The following ADAM23 variants were observed in gnomAD, a reference collection of about 807,000 sequenced individuals.
The protein encoded by ADAM23 is ADAM metallopeptidase domain 23.
In ADAM23, 33 loss-of-function variants were observed where a neutral mutation model predicts 120.1. That is an observed-to-expected ratio of 0.27 (90% CI 0.21 to 0.37). The LOEUF is 0.37. Among genes scored for constraint, ADAM23 ranks in the 10% least tolerant of loss-of-function variants. ADAM23 has a pLI of 1.00. For synonymous variants in ADAM23, 367 were observed against 375.2 expected, an observed-to-expected ratio of 0.98 and a Z score of 0.25; for missense variants, 862 against 1,058.2, an observed-to-expected ratio of 0.81 and a Z score of 2.57.
intron 3 of ADAM23, among the ~76,000 whole-genome samples, chr2:206,486,613 A>G (rs1301373065): frequency 6.6e-6 from 1 of 152,144 alleles, no homozygotes; most frequent in Non-Finnish European, 1.5e-5. Flanking sequence ...GGTTGAAAGC[A>G]TGGGTAACTC....
At chr2:206,534,423 T>C (rs537800975) in intron 4 of ADAM23, among the ~76,000 whole-genome samples, 1 of 152,244 alleles carries the variant, frequency 6.6e-6, no homozygotes, top group Non-Finnish European at 1.5e-5. Context: ...TGTTGGTACA[T>C]TGTGAAATGG....
chr2:206,595,088 G>A (rs939257872), intron 23 of ADAM23, among the ~76,000 whole-genome samples, 183 bp downstream of exon 23: 1 of 152,172 alleles, frequency 6.6e-6, no homozygotes, highest in Admixed American at 6.5e-5. Flanking sequence ...GGCTTTTGCA[G>A]AAGAATCGCT....
Position 206,445,376 on chromosome 2 carries a change from A to G in ADAM23, c.284A>G (p.Gln95Arg). 1 of 1,614,192 alleles carries G rather than the reference A, an allele frequency of 6.2e-7. No homozygotes were observed. The highest frequency in any genetic ancestry group is 8.5e-7 in the Non-Finnish European group (1 of 1,180,034). Reference sequence around the variant, plus strand: ...GCAGATGAAGACAATACATTGCAACAGAATAGCAGCAGTAATATCAGTTAC... The same window carrying G: ...GCAGATGAAGACAATACATTGCAACGGAATAGCAGCAGTAATATCAGTTAC... ...VLADEDNTLQ[Q>R]NSSSNISYSN... The change falls in exon 2 of 26, where the codon CAG (glutamine) becomes CGG (arginine). Residue 95 changes from glutamine to arginine, a missense_variant. Physicochemically the swap from Gln to Arg is conservative, Grantham distance 43. Coordinates refer to ENST00000264377, the MANE Select transcript of ADAM23 (RefSeq NM_003812.4).
In ADAM23 at chr2:206,596,113, C is replaced by G; in HGVS notation, c.2310C>G (p.Ile770Met). The change falls in exon 24 of 26, where the codon ATC (isoleucine) becomes ATG (methionine). Residue 770 changes from isoleucine to methionine, a missense_variant. Ile to Met is a conservative substitution (Grantham distance 10). Around this residue, in one of 4 missense-constraint regions of ADAM23, gnomAD observed 617 missense variants for 813.5 expected, o/e 0.76. Coordinates refer to ENST00000264377, the MANE Select transcript of ADAM23 (RefSeq NM_003812.4). Reference sequence around the variant, plus strand: ...CCTGGGCAGGGACAGATTGCAGTATCCGGGATCCAGTTAGGAACCTTCACC... The same window carrying G: ...CCTGGGCAGGGACAGATTGCAGTATGCGGGATCCAGTTAGGAACCTTCACC... ...DFTWAGTDCS[I>M]RDPVRNLHPP... 2 of 1,614,050 alleles carry G rather than the reference C, an allele frequency of 1.2e-6. No individual in the cohort carries two copies. Among genetic ancestry groups the G allele is most frequent in the Non-Finnish European group, 1.7e-6 (2 of 1,179,984 alleles).
At chr2:206,550,284 CTTGA>C (rs1697486857) in intron 9 of ADAM23, 124 bp downstream of exon 9, 5 of 479,486 alleles carry the variant, frequency 1.0e-5, no homozygotes, top group Non-Finnish European at 1.7e-5. Context: ...TATTAAGTGA[CTTGA>C]TTTATTTGTC....
At position 206,545,910 on chromosome 2, in the gene ADAM23, A is replaced by G. The variant is rs182312838; in HGVS notation, c.721-1519A>G. On this transcript the variant is annotated intron_variant, in intron 6 of 25. Coordinates refer to ENST00000264377, the MANE Select transcript of ADAM23 (RefSeq NM_003812.4). ...AAACACAGATTCCCAAATAATAACT[A>G]TTTAAGCCTTAGAGTTTTTTAAATG... 6.0e-4 allele frequency among the ~76,000 whole-genome samples: 91 copies of G among 152,338 alleles called. 2 individuals are homozygous for G. The highest frequency in any genetic ancestry group is 4.4e-3 in the South Asian group (21 of 4,820).
chr2:206,527,483 CT>C (rs1696967076), intron 3 of ADAM23, among the ~76,000 whole-genome samples: 1 of 152,158 alleles, frequency 6.6e-6, no homozygotes, highest in South Asian at 2.1e-4. Flanking sequence ...TATTTCAAGA[CT>C]TTTATAATTA....
At chr2:206,557,565 G>A in intron 10 of ADAM23, 67 bp downstream of exon 10, 2 of 1,367,632 alleles carry the variant, frequency 1.5e-6, no homozygotes, top group Non-Finnish European at 2.1e-6. Flanking sequence ...TTGCTTACTT[G>A]TACTTTAGGT....
intron 3 of ADAM23, among the ~76,000 whole-genome samples, chr2:206,518,509 A>G (rs111935697): frequency 1.6e-4 from 24 of 152,324 alleles, no homozygotes; most frequent in African/African-American, 5.8e-4. Context: ...AAAACATGTT[A>G]GCATGACTCT....
At chr2:206,493,237 A>G (rs1361239752) in intron 3 of ADAM23, among the ~76,000 whole-genome samples, 2 of 152,180 alleles carry the variant, frequency 1.3e-5, no homozygotes, top group East Asian at 3.8e-4. Context: ...AATCCTAACT[A>G]TGGTTTATTA....
chr2:206,446,424 A>G (rs1452063018), intron 2 of ADAM23, among the ~76,000 whole-genome samples: 1 of 152,230 alleles, frequency 6.6e-6, no homozygotes, highest in African/African-American at 2.4e-5. Context: ...TGTTCAGGTG[A>G]GAACAACAGT....
chr2:206,509,789 C>G (rs1288624655), intron 3 of ADAM23, among the ~76,000 whole-genome samples: 1 of 152,148 alleles, frequency 6.6e-6, no homozygotes, highest in East Asian at 1.9e-4. Flanking sequence ...TTGTAATGAA[C>G]TTGTATTATT....
At chr2:206,520,644 C>T (rs528239810) in intron 3 of ADAM23, among the ~76,000 whole-genome samples, 2 of 152,136 alleles carry the variant, frequency 1.3e-5, no homozygotes, top group South Asian at 4.1e-4. Context: ...TTGCTGGTCT[C>T]TTGCCGTTCT....
chr2:206,511,251 T>C (rs1574505787), intron 3 of ADAM23, among the ~76,000 whole-genome samples: 1 of 152,218 alleles, frequency 6.6e-6, no homozygotes, highest in Admixed American at 6.5e-5. Flanking sequence ...AGAGGTTCTT[T>C]CTATAATTTC....
chr2:206,515,889 G>A (rs1352970770), intron 3 of ADAM23, among the ~76,000 whole-genome samples: 2 of 151,744 alleles, frequency 1.3e-5, no homozygotes, highest in East Asian at 1.9e-4. Flanking sequence ...GCTTTTTCCT[G>A]GGTCTGTTTC....
intron 4 of ADAM23, 106 bp from the exon 5 acceptor site, chr2:206,541,946 G>T: frequency 8.7e-7 from 1 of 1,150,072 alleles, no homozygotes; most frequent in South Asian, 1.3e-5. Context: ...TATTAATACA[G>T]TGCACATATA....
chr2:206,463,102 G>A (rs1442223177), intron 2 of ADAM23, among the ~76,000 whole-genome samples: 1 of 152,122 alleles, frequency 6.6e-6, no homozygotes, highest in African/African-American at 2.4e-5. Flanking sequence ...GAGGAGAGGA[G>A]TTATAGTAGA....
intron 3 of ADAM23, among the ~76,000 whole-genome samples, chr2:206,510,957 A>G (rs1696611277): frequency 6.6e-6 from 1 of 152,180 alleles, no homozygotes; most frequent in African/African-American, 2.4e-5. Flanking sequence ...TCTTTCTTTG[A>G]TTTTAGGAAA....
intron 24 of ADAM23, among the ~76,000 whole-genome samples, chr2:206,604,566 T>A (rs1458590643): frequency 6.6e-6 from 1 of 152,188 alleles, no homozygotes; most frequent in African/African-American, 2.4e-5. Context: ...TTTTTGTTTG[T>A]TTGTTTTTTA....
Sources: gnomAD v4.1 joint callset for allele counts (sites outside exome capture counted in the v4.1 genomes callset) on GRCh38, gnomAD v4.1.1 for gene constraint, gnomAD v4.1.1 regional missense constraint, MANE v1.5 for transcripts, NCBI Gene and HGNC (gene_info 2026-07-23, HGNC 2026-07-21) for gene names.